Variants in CAPN8 observed in about 807,000 individuals in gnomAD.
The protein encoded by CAPN8 is calpain 8.
Under a neutral mutation model 80.9 loss-of-function variants are expected in CAPN8, and 87 were observed. The observed-to-expected ratio is 1.07, with a 90% confidence interval of 0.90 to 1.28. The LOEUF is 1.28. CAPN8 is among the 50% of genes most tolerant of loss of function. CAPN8 has a pLI of 0.00. For synonymous variants in CAPN8, 299 were observed against 273.8 expected (o/e 1.09, Z -0.91); for missense variants, 757 against 702.0 (o/e 1.08, Z -0.89).
At chr1:223,553,234 G>C in intron 14 of CAPN8, among the ~76,000 whole-genome samples, 1 of 152,324 alleles carries the variant, frequency 6.6e-6, no homozygotes, top group East Asian at 1.9e-4. Context: ...CCACCGGGCT[G>C]CTACCAAAGT....
intron 2 of CAPN8, among the ~76,000 whole-genome samples, chr1:223,634,943 AGACAGAGGCATAATACCTTTAATCG>A (rs1192303902): frequency 6.6e-6 from 1 of 152,252 alleles, no homozygotes; most frequent in Non-Finnish European, 1.5e-5. Flanking sequence ...AACTTGAAAC[AGACAGAGGCATAATACCTTTAATCG>A]GCTAGTTTAT....
chr1:223,612,356 T>C (rs1657050474), intron 10 of CAPN8, 99 bp from the exon 11 acceptor site: 2 of 1,095,144 alleles, frequency 1.8e-6, no homozygotes, highest in Middle Eastern at 2.4e-4. Flanking sequence ...GACTGTGCAG[T>C]CCTGGGGCAA....
At chr1:223,642,931 AG>A in intron 2 of CAPN8, 1 of 394,574 alleles carries the variant, frequency 2.5e-6, no homozygotes, top group South Asian at 1.8e-5. Context: ...TGCTACTTAG[AG>A]GGAAACATTT....
chr1:223,661,064 G>C (rs1056094153), intron 1 of CAPN8, among the ~76,000 whole-genome samples: 1 of 151,924 alleles, frequency 6.6e-6, no homozygotes, highest in Non-Finnish European at 1.5e-5. Flanking sequence ...TACTTGGGAG[G>C]CTGGGACACG....
At chr1:223,553,662 G>A (rs1656849188) in intron 14 of CAPN8, among the ~76,000 whole-genome samples, 170 bp downstream of exon 14, 1 of 152,148 alleles carries the variant, frequency 6.6e-6, no homozygotes, top group Non-Finnish European at 1.5e-5. Flanking sequence ...TGAAGGAAAG[G>A]TACTCAATCT....
intron 18 of CAPN8, 112 bp from the exon 19 acceptor site, chr1:223,544,295 C>A (rs902274247): frequency 9.3e-6 from 6 of 645,928 alleles, no homozygotes; most frequent in Non-Finnish European, 1.7e-5. Flanking sequence ...CTGTATCAAT[C>A]TGCAAACCAG....
chr1:223,629,365 A>G (rs1201980847), intron 2 of CAPN8, among the ~76,000 whole-genome samples: 4 of 152,154 alleles, frequency 2.6e-5, no homozygotes, highest in Non-Finnish European at 4.4e-5. Flanking sequence ...TTCCCTTGAG[A>G]TACTGCTTAG....
chr1:223,628,762 G>A lies in CAPN8; in HGVS notation c.326C>T (p.Ala109Val). Residue 109 changes from alanine (A) to valine (V), a missense_variant, in exon 3 of 21, where the codon GCT becomes GTT. Coordinates refer to ENST00000366872, the MANE Select transcript of CAPN8 (RefSeq NM_001143962.2). ...ATTCAGGGTCAGGGAGGCAATGGCA[G>A]CCAGAAGCCAGCAGTCACCTGCACA... The part of the protein sequence containing the change: ...QGGLGDCWLL[A>V]AIASLTLNEE... 6.4e-7 allele frequency: 1 copy of A among 1,554,556 alleles called. No homozygotes were observed. The highest frequency in any genetic ancestry group is 1.2e-5 in the South Asian group (1 of 84,206).
chr1:223,612,350 G>A (rs1657050286), intron 10 of CAPN8, 93 bp from the exon 11 acceptor site: 1 of 1,149,308 alleles, frequency 8.7e-7, no homozygotes, highest in South Asian at 4.4e-5. Context: ...CAAACAGACT[G>A]TGCAGTCCTG....
chr1:223,628,207 G>A, intron 3 of CAPN8, 65 bp from the exon 4 acceptor site: 6 of 1,476,238 alleles, frequency 4.1e-6, no homozygotes, highest in Non-Finnish European at 5.4e-6. Context: ...AGTCCCTCCA[G>A]GGGACCTCAC....
intron 16 of CAPN8, among the ~76,000 whole-genome samples, chr1:223,546,976 T>C (rs1572220291): frequency 6.6e-6 from 1 of 152,114 alleles, no homozygotes; most frequent in Non-Finnish European, 1.5e-5. Flanking sequence ...TGTAGCAGTG[T>C]GATCTTCACT....
At chr1:223,643,872 G>T (rs767927324) in intron 2 of CAPN8, among the ~76,000 whole-genome samples, 1 of 152,174 alleles carries the variant, frequency 6.6e-6, no homozygotes, top group Non-Finnish European at 1.5e-5. Flanking sequence ...CCTGCTTGCC[G>T]ATCTAGTCTG....
chr1:223,549,272 C>T (rs748575994), intron 16 of CAPN8, 46 bp downstream of exon 16: 32 of 1,528,470 alleles, frequency 2.1e-5, no homozygotes, highest in South Asian at 6.1e-5. Context: ...CTTTAAAAAC[C>T]GGACGAAAGT....
At chr1:223,636,801 G>A (rs28679358) in intron 2 of CAPN8, among the ~76,000 whole-genome samples, 1 of 58,360 alleles carries the variant, frequency 1.7e-5, no homozygotes, top group Non-Finnish European at 3.4e-5. Flanking sequence ...TTGAGTAGTC[G>A]ATCACTAGTA....
chr1:223,618,059 G>T, intron 9 of CAPN8: 1 of 630,006 alleles, frequency 1.6e-6, no homozygotes. Flanking sequence ...CAGCCCTGCA[G>T]TGAGCTCTGT....
At chr1:223,627,652 T>C (rs1271770950) in intron 4 of CAPN8, among the ~76,000 whole-genome samples, 3 of 152,150 alleles carry the variant, frequency 2.0e-5, no homozygotes, top group Admixed American at 1.3e-4. Flanking sequence ...CTTTGTTGAG[T>C]TTGGTATCTA....
intron 2 of CAPN8, among the ~76,000 whole-genome samples, chr1:223,631,546 G>T (rs147919570): frequency 1.3e-5 from 2 of 152,070 alleles, no homozygotes; most frequent in African/African-American, 4.8e-5. Context: ...CACTCATCTC[G>T]GCATCCCCAG....
intron 1 of CAPN8, 64 bp downstream of exon 1, chr1:223,665,346 C>T (rs1373823372): frequency 2.5e-5 from 34 of 1,342,870 alleles, no homozygotes; most frequent in Non-Finnish European, 3.5e-5. Flanking sequence ...CCCTCAGTTC[C>T]TCCTGATCAG....
In CAPN8 at chr1:223,647,203, G is replaced by A. The variant is rs116315845; in HGVS notation, c.307+7127C>T. 1.8e-3 allele frequency among the ~76,000 whole-genome samples: 276 copies of A among 152,290 alleles called. 2 individuals carry two copies. The highest frequency in any genetic ancestry group is 6.4e-3 in the African/African-American group (268 of 41,564). ...GGAAGGAGCCCAGCATTCCTGTAAG[G>A]CAGGATTCTTAACCTTTCCTGTGCA... is the stretch of plus-strand genomic sequence containing the variant. On this transcript the variant is annotated intron_variant, in intron 2 of 20. Coordinates refer to ENST00000366872, the MANE Select transcript of CAPN8 (RefSeq NM_001143962.2).
Sources: allele counts gnomAD v4.1 joint callset (sites outside exome capture counted in the v4.1 genomes callset), GRCh38; gene constraint gnomAD v4.1.1; transcripts MANE v1.5; gene names NCBI Gene and HGNC (gene_info 2026-07-23, HGNC 2026-07-21).